The following EDDM13 variants were observed in gnomAD, a reference collection of about 807,000 sequenced individuals.
EDDM13 encodes the protein epididymal protein 13.
In EDDM13, 24 loss-of-function variants were observed where a neutral mutation model predicts 17.8. The observed-to-expected ratio is 1.35, with a 90% confidence interval of 0.98 to 1.90. EDDM13 has a LOEUF of 1.90. EDDM13 is among the 40% of genes most tolerant of loss of function. The probability of loss-of-function intolerance (pLI) is 0.00; values close to 1 mark genes in which losing one functional copy is unlikely to be tolerated. For synonymous variants in EDDM13, 31 were observed against 37.5 expected (o/e 0.83, Z 0.63); for missense variants, 97 against 100.8 (o/e 0.96, Z 0.16).
intron 2 of EDDM13, among the ~76,000 whole-genome samples, chr19:56,276,538 ATTTAT>A (rs2038278646): frequency 8.7e-6 from 1 of 115,200 alleles, no homozygotes; most frequent in South Asian, 2.7e-4. Flanking sequence ...GGTTATTTTT[ATTTAT>A]TTATTTATTT....
At chr19:56,302,540 TCCCCGTTCCTCCCTCCCTCCC>T (rs2040351335) in intron 13 of EDDM13, among the ~76,000 whole-genome samples, 7 of 33,152 alleles carry the variant, frequency 2.1e-4, no homozygotes, top group Non-Finnish European at 2.6e-4. Context: ...CTCTTCTTCC[TCCCCGTTCCTCCCTCCCTCCC>T]CCCTTCCTTT....
intron 14 of EDDM13, among the ~76,000 whole-genome samples, chr19:56,305,237 A>T (rs2040606509): frequency 6.6e-6 from 1 of 151,020 alleles, no homozygotes; most frequent in African/African-American, 2.5e-5. Context: ...ACTCTGTACC[A>T]AGACATCGTC....
At chr19:56,288,587 T>G (rs2039298583) in intron 7 of EDDM13, among the ~76,000 whole-genome samples, 149 bp downstream of exon 7, 1 of 152,194 alleles carries the variant, frequency 6.6e-6, no homozygotes. Flanking sequence ...GGGTCTGGCC[T>G]GCCTTGCTTT....
rs1306655740 is a variant in EDDM13 at position 56,302,088 on chromosome 19, G to A, written c.416G>A (p.Gly139Glu). 1.4e-5 allele frequency: 17 copies of A among 1,231,700 alleles called. No homozygotes were observed. The highest frequency in any genetic ancestry group is 1.6e-5 in the Non-Finnish European group (16 of 988,042). The allele number at this position is 1,231,700 out of a possible 1,614,324, so 76.3% of individuals were successfully genotyped here. The change falls in exon 13 of 15, where the codon GGG (glycine) becomes GAG (glutamate). Residue 139 changes from glycine to glutamate, a missense_variant. Gly to Glu is a moderately conservative substitution (Grantham distance 98). Coordinates refer to ENST00000649256, the MANE Select transcript of EDDM13 (RefSeq NM_001354658.2). ...TACCTCTTCGTATCCTACAACAAAG[G>A]GGACTGGGTAAGAAGAAGGCAGCAC... ...MTYLFVSYNKGDWCYCHYCNL... is the reference protein window; with the variant it reads ...MTYLFVSYNKEDWCYCHYCNL...
rs115098424 is a variant in EDDM13, at chr19:56,272,901, G to A, written c.67G>A (p.Ala23Thr). ...TCTGCTTTTCCTGGGATTGGCAGAA[G>A]CCTGTACTCCTCGTGAAGGTAATGC... ...LILLFLGLAE[A>T]CTPREVATKE... Residue 23 changes from alanine (A) to threonine (T), a missense_variant, in exon 1 of 15, where the codon GCC becomes ACC. Coordinates refer to ENST00000649256, the MANE Select transcript of EDDM13 (RefSeq NM_001354658.2). 779 of 985,340 alleles carry A rather than the reference G, an allele frequency of 7.9e-4. 6 individuals carry two copies. In the African/African-American group the frequency reaches 0.013, roughly 16 times the overall value. 61.0% of individuals were successfully genotyped at this position (985,340 alleles called of 1,614,324 possible).
At chr19:56,290,701 T>G (rs1012798701) in intron 8 of EDDM13, among the ~76,000 whole-genome samples, 140 bp from the exon 9 acceptor site, 3 of 152,144 alleles carry the variant, frequency 2.0e-5, no homozygotes, top group African/African-American at 7.2e-5. Flanking sequence ...CTCTATGAAA[T>G]ATAAATACAT....
At chr19:56,302,435 CCTTCCT>C (rs2040318506) in intron 13 of EDDM13, among the ~76,000 whole-genome samples, 1 of 108,808 alleles carries the variant, frequency 9.2e-6, no homozygotes, top group African/African-American at 4.1e-5. Context: ...TTTCTCCCTT[CCTTCCT>C]TTCTTCCTCT....
At chr19:56,302,665 T>C (rs1487258144) in intron 13 of EDDM13, among the ~76,000 whole-genome samples, 1 of 124,932 alleles carries the variant, frequency 8.0e-6, no homozygotes, top group Non-Finnish European at 1.7e-5. Context: ...CTCCCTGTTC[T>C]TTCCTTCCTC....
Position 56,272,898 on chromosome 19 carries a change from G to A in EDDM13, c.64G>A (p.Glu22Lys), listed in dbSNP as rs970448561. Reference protein sequence around the residue: ...LLILLFLGLAEACTPREVATK... With the variant: ...LLILLFLGLAKACTPREVATK... ...GATTCTGCTTTTCCTGGGATTGGCA[G>A]AAGCCTGTACTCCTCGTGAAGGTAA... Residue 22 changes from glutamate to lysine, a missense_variant, in exon 1 of 15, where the codon GAA becomes AAA. Coordinates refer to ENST00000649256, the MANE Select transcript of EDDM13 (RefSeq NM_001354658.2). 1 of 985,400 alleles carries A rather than the reference G, an allele frequency of 1.0e-6. No homozygotes were observed. Among genetic ancestry groups the A allele is most frequent in the Non-Finnish European group, 1.2e-6 (1 of 829,870 alleles). 61.0% of individuals were successfully genotyped at this position (985,400 alleles called of 1,614,324 possible).
At chr19:56,287,570 T>C (rs1173705817) in intron 6 of EDDM13, among the ~76,000 whole-genome samples, 1 of 152,156 alleles carries the variant, frequency 6.6e-6, no homozygotes. Context: ...CCGGACTTTA[T>C]AAAAAGCAAA....
intron 12 of EDDM13, among the ~76,000 whole-genome samples, chr19:56,299,536 T>C (rs1343819651): frequency 6.6e-6 from 1 of 152,026 alleles, no homozygotes. Flanking sequence ...GAACAAGCTG[T>C]TTAAGGTAAA....
At chr19:56,279,070 T>C (rs1451307255) in intron 2 of EDDM13, among the ~76,000 whole-genome samples, 1 of 152,182 alleles carries the variant, frequency 6.6e-6, no homozygotes, top group Non-Finnish European at 1.5e-5. Flanking sequence ...AGGCTTCCCT[T>C]TCAGCAGAAG....
intron 1 of EDDM13, among the ~76,000 whole-genome samples, chr19:56,273,345 A>G (rs375625783): frequency 6.6e-6 from 1 of 152,224 alleles, no homozygotes; most frequent in South Asian, 2.1e-4. Context: ...AAGACACCAA[A>G]GAGTATATTG....
intron 12 of EDDM13, among the ~76,000 whole-genome samples, chr19:56,301,430 T>C (rs1281813850): frequency 1.3e-5 from 2 of 152,066 alleles, no homozygotes; most frequent in East Asian, 3.9e-4. Context: ...TAATGCATTA[T>C]AATTAGTATA....
chr19:56,283,383 C>G (rs2038859800), intron 4 of EDDM13: 1 of 152,148 alleles, frequency 6.6e-6, no homozygotes, highest in Non-Finnish European at 1.5e-5. Context: ...CAGATCCAAA[C>G]AGGAAACAAT....
intron 1 of EDDM13, chr19:56,274,573 CA>C (rs1247734822): frequency 5.3e-5 from 8 of 152,066 alleles, no homozygotes; most frequent in African/African-American, 1.7e-4. Context: ...GAATATTCTT[CA>C]CCCAGTTATC....
chr19:56,289,375 G>C (rs1042891053), intron 8 of EDDM13, among the ~76,000 whole-genome samples: 2 of 152,158 alleles, frequency 1.3e-5, no homozygotes, highest in African/African-American at 4.8e-5. Flanking sequence ...AGAGAAAGGG[G>C]CCAGGCCCTT....
At chr19:56,277,572 A>C (rs2038360747) in intron 2 of EDDM13, among the ~76,000 whole-genome samples, 1 of 152,160 alleles carries the variant, frequency 6.6e-6, no homozygotes, top group South Asian at 2.1e-4. Context: ...TAAGGGGTTC[A>C]GGGTTTATTT....
rs1416091340 is a variant in EDDM13 at position 56,302,532 on chromosome 19, C to T, written c.423+437C>T. Among the ~76,000 whole-genome samples, 9 of 26,662 alleles carry T rather than the reference C, an allele frequency of 3.4e-4. No homozygotes were observed. The South Asian group carries it at 5.1e-3, about 15-fold the overall frequency. The allele number at this position is 26,662 out of a possible 152,430, so 17.5% of individuals were successfully genotyped here. A position where few individuals can be genotyped will look rare whatever the true frequency, so the allele number is the denominator to read the frequency against. On this transcript the variant is annotated intron_variant, in intron 13 of 14. Transcript: ENST00000649256. ...TTCTTTCCTTCCTCCCTCCCTCCCTCTTCTTCCTCCCCGTTCCTCCCTCCC... is the reference window on the plus strand; with the variant it reads ...TTCTTTCCTTCCTCCCTCCCTCCCTTTTCTTCCTCCCCGTTCCTCCCTCCC...
Sources: allele counts gnomAD v4.1 joint callset (sites outside exome capture counted in the v4.1 genomes callset), GRCh38; gene constraint gnomAD v4.1.1; transcripts MANE v1.5; gene names NCBI Gene and HGNC (gene_info 2026-07-23, HGNC 2026-07-21).